Variants in NLRP2 observed in about 807,000 individuals in gnomAD.
The protein encoded by NLRP2 is NACHT, LRR and PYD domains-containing protein 2.
NLRP2 carries 107 observed loss-of-function variants against 97.2 expected under a neutral mutation model. That is an observed-to-expected ratio of 1.10 (90% CI 0.94 to 1.29). The LOEUF (loss-of-function observed/expected upper bound fraction) is 1.29, where lower values mean the gene tolerates loss of function less well. NLRP2 is among the 50% of genes most tolerant of loss of function. The pLI is 0.00. For missense variants in NLRP2, 1,495 were observed against 1,330.3 expected (o/e 1.12, Z -1.93); for synonymous variants, 663 against 551.5 (o/e 1.20, Z -2.83).
intron 3 of NLRP2, among the ~76,000 whole-genome samples, chr19:54,975,357 A>G (rs1284684754): frequency 2.1e-5 from 3 of 143,002 alleles, no homozygotes; most frequent in Non-Finnish European, 3.0e-5. Context: ...ACTAAACTCA[A>G]TCAGTCCTCC....
chr19:54,980,494 G>A (rs1451002174), intron 4 of NLRP2, among the ~76,000 whole-genome samples: 2 of 152,114 alleles, frequency 1.3e-5, no homozygotes, highest in African/African-American at 4.8e-5. Context: ...GCGCCCAGCC[G>A]CGGGTAAAGA....
intron 11 of NLRP2, among the ~76,000 whole-genome samples, chr19:54,996,908 C>T (rs548665698): frequency 7.9e-5 from 12 of 152,078 alleles, no homozygotes; most frequent in Admixed American, 4.6e-4. Flanking sequence ...AGGGCGGAGA[C>T]GTTTTGTTTG....
chr19:54,970,270 T>TGA lies in NLRP2; in HGVS notation c.261_262dup (p.Ala88GlufsTer11). On this transcript the variant is annotated frameshift_variant, in exon 2 of 13. Coordinates refer to ENST00000448584, the MANE Select transcript of NLRP2 (RefSeq NM_017852.5). LOFTEE classifies it high-confidence loss of function. Reference sequence around the variant, plus strand: ...AAAAGATGCACCGAATGGATCTGTCTGAGAGAGCAAAGGATGAAGTCAGAG... The same window carrying TGA: ...AAAAGATGCACCGAATGGATCTGTCTGAGAGAGAGCAAAGGATGAAGTCAGAG... 6.2e-7 allele frequency: 1 copy of TGA among 1,614,130 alleles called. No homozygotes were observed. The highest frequency in any genetic ancestry group is 8.5e-7 in the Non-Finnish European group (1 of 1,180,010).
rs185251388 is a variant in NLRP2 at position 54,985,521 on chromosome 19, T to C, written c.2201+304T>C. The stretch of plus-strand genomic sequence containing the variant: ...GACAAAACCCTGCCTCTACTAAAAA[T>C]ACAAAAATTATCCAGGCGTGGTGGC... On this transcript the variant is annotated intron_variant, in intron 7 of 12. Coordinates refer to ENST00000448584, the MANE Select transcript of NLRP2 (RefSeq NM_017852.5). Among the ~76,000 whole-genome samples, 3 of 146,944 alleles carry C rather than the reference T, an allele frequency of 2.0e-5. No homozygotes were observed. In the Admixed American group the frequency reaches 2.0e-4, roughly 10 times the overall value.
rs1463444751 is a variant in NLRP2 at position 54,982,582 on chromosome 19, C to G, written c.884C>G (p.Ala295Gly). 1.9e-6 allele frequency: 3 copies of G among 1,614,024 alleles called. No individual in the cohort carries two copies. The highest frequency in any genetic ancestry group is 1.3e-5 in the African/African-American group (1 of 74,914). Reference sequence around the variant, plus strand: ...ATTGACGGCTTTGATGAGCTGGGAGCCGCACCTGGGGCGCTGATCGAGGAC... The same window carrying G: ...ATTGACGGCTTTGATGAGCTGGGAGGCGCACCTGGGGCGCTGATCGAGGAC... ...FVIDGFDELG[A>G]APGALIEDIC... Residue 295 changes from alanine (A) to glycine (G), a missense_variant, in exon 6 of 13, where the codon GCC (alanine) becomes GGC (glycine). Transcript: ENST00000448584.
chr19:54,973,348 T>G (rs1000024865), intron 2 of NLRP2, among the ~76,000 whole-genome samples: 2 of 140,516 alleles, frequency 1.4e-5, no homozygotes, highest in Non-Finnish European at 3.0e-5. Context: ...GTGAGGGTTT[T>G]TTTTTTTTTT....
chr19:54,971,207 A>C (rs961740114), intron 2 of NLRP2, among the ~76,000 whole-genome samples: 9 of 151,088 alleles, frequency 6.0e-5, no homozygotes, highest in Admixed American at 1.3e-4. Context: ...ACATTTTCTT[A>C]ATCCAGTCTA....
chr19:54,980,129 G>A (rs2071479609), intron 4 of NLRP2, among the ~76,000 whole-genome samples: 1 of 151,750 alleles, frequency 6.6e-6, no homozygotes, highest in Non-Finnish European at 1.5e-5. Flanking sequence ...TGTGGTGCCT[G>A]CTCTATCATC....
intron 6 of NLRP2, among the ~76,000 whole-genome samples, chr19:54,984,300 A>C (rs2071872726): frequency 1.6e-5 from 2 of 127,016 alleles, no homozygotes; most frequent in Admixed American, 1.6e-4. Context: ...CATCATGTCC[A>C]GCTAACTTAA....
chr19:54,988,515 G>A lies in NLRP2; in HGVS notation c.2367-1507G>A, dbSNP rs185816396. On this transcript the variant is annotated intron_variant, in intron 8 of 12. Coordinates refer to ENST00000448584, the MANE Select transcript of NLRP2 (RefSeq NM_017852.5). ...GTTACGCCATGCTGGTGGCCAGGGT[G>A]GTCTCAAACTCCTGACCTCGGGCAA... Among the ~76,000 whole-genome samples, 20 of 152,114 alleles carry A rather than the reference G, an allele frequency of 1.3e-4. 1 individual carries two copies. Among genetic ancestry groups the A allele is most frequent in the Non-Finnish European group, 2.5e-4 (17 of 67,992 alleles).
At chr19:54,974,339 ACT>A (rs1568472701) in intron 2 of NLRP2, 159 bp from the exon 3 acceptor site, 12 of 701,526 alleles carry the variant, frequency 1.7e-5, no homozygotes, top group South Asian at 6.4e-5. Flanking sequence ...ACAGAGTGAC[ACT>A]CTGTCTCAAA....
rs578145829 is a variant in NLRP2, at chr19:54,996,307, GCCTGTCTCTACTAAAGAGACAGGTGAAAC to G, written c.2880-1000_2880-972del. On this transcript the variant is annotated intron_variant, in intron 11 of 12. Coordinates refer to ENST00000448584, the MANE Select transcript of NLRP2 (RefSeq NM_017852.5). ...CCTAAGGTCAGGAGTTCGTAGACCA[GCCTGTCTCTACTAAAGAGACAGGTGAAAC>G]CCTGTCTCTCTAAAACCACAAAAAT... 1.2e-4 allele frequency among the ~76,000 whole-genome samples: 19 copies of G among 152,094 alleles called. No homozygotes were observed. In the South Asian group the frequency reaches 3.1e-3, roughly 25 times the overall value.
chr19:54,978,574 G>A (rs556373121), intron 4 of NLRP2, among the ~76,000 whole-genome samples: 16 of 152,102 alleles, frequency 1.1e-4, no homozygotes, highest in Non-Finnish European at 2.1e-4. Flanking sequence ...GTTGACAGGT[G>A]GCCAGGTGTG....
rs779043525 is a variant in NLRP2 at position 54,982,543 on chromosome 19, A to G, written c.845A>G (p.Lys282Arg). ...DIPHILAQAR[K>R]ILFVIDGFDE... ...CCACACATCCTAGCCCAAGCACGGAAAATCTTGTTCGTGATTGACGGCTTT... is the reference window on the plus strand; with the variant it reads ...CCACACATCCTAGCCCAAGCACGGAGAATCTTGTTCGTGATTGACGGCTTT... Residue 282 changes from lysine (K) to arginine (R), a missense_variant, in exon 6 of 13, where the codon AAA becomes AGA. Lys to Arg is a conservative substitution (Grantham distance 26, BLOSUM62 2). Transcript: ENST00000448584. 19 of 1,614,050 alleles carry G rather than the reference A, an allele frequency of 1.2e-5. No homozygotes were observed. Among genetic ancestry groups the G allele is most frequent in the African/African-American group, 2.7e-5 (2 of 74,926 alleles).
rs2071585457 is a variant in NLRP2 at position 54,981,673 on chromosome 19, A to G, written c.454A>G (p.Lys152Glu). Residue 152 changes from lysine to glutamate, a missense_variant, in exon 5 of 13, where the codon AAA becomes GAA. Transcript: ENST00000448584. ...ICLGKEVFKG[K>E]KPDKDNRCRY... Reference sequence around the variant, plus strand: ...CCTGGGTAAAGAAGTCTTTAAAGGAAAAAAGCCAGGTCTGTACCATATCTT... The same window carrying G: ...CCTGGGTAAAGAAGTCTTTAAAGGAGAAAAGCCAGGTCTGTACCATATCTT... The G allele has an allele frequency of 1.3e-6, 2 of 1,568,870 alleles. No homozygotes were observed. The highest frequency in any genetic ancestry group is 1.7e-4 in the Middle Eastern group (1 of 5,968).
intron 2 of NLRP2, among the ~76,000 whole-genome samples, chr19:54,973,457 C>A (rs2071003782): frequency 6.7e-6 from 1 of 148,706 alleles, no homozygotes; most frequent in Non-Finnish European, 1.5e-5. Flanking sequence ...CTCACTGTGA[C>A]CTCCTCCTCC....
intron 12 of NLRP2, among the ~76,000 whole-genome samples, 191 bp from the exon 13 acceptor site, chr19:55,000,569 A>G (rs560869863): frequency 5.6e-4 from 83 of 147,400 alleles, no homozygotes; most frequent in Non-Finnish European, 1.1e-3. Flanking sequence ...GTGAGCCATC[A>G]CGCCCCACCT....
chr19:54,978,761 C>A (rs2071399038), intron 4 of NLRP2, among the ~76,000 whole-genome samples: 1 of 150,806 alleles, frequency 6.6e-6, no homozygotes. Context: ...GCAGGAGAAT[C>A]GCTTGAACCC....
chr19:54,994,855 C>G (rs934200380), intron 11 of NLRP2, among the ~76,000 whole-genome samples: 3 of 151,556 alleles, frequency 2.0e-5, no homozygotes, highest in African/African-American at 7.3e-5. Context: ...GTGATCCGCC[C>G]ATCTCGGCCT....
Sources: allele counts gnomAD v4.1 joint callset (sites outside exome capture counted in the v4.1 genomes callset), GRCh38; gene constraint gnomAD v4.1.1; transcripts MANE v1.5; gene names NCBI Gene and HGNC (gene_info 2026-07-23, HGNC 2026-07-21).